GTPBP1: variants seen among roughly 807,000 people sequenced by gnomAD.
GTPBP1 encodes the protein GTP binding protein 1.
In GTPBP1, 23 loss-of-function variants were observed where a neutral mutation model predicts 62.0. The ratio of observed to expected loss-of-function variants is 0.37; its 90% CI spans 0.27 to 0.53. The LOEUF (loss-of-function observed/expected upper bound fraction) is 0.53. Among genes scored for constraint, GTPBP1 ranks in the 20% least tolerant of loss-of-function variants. The pLI is 0.89. For missense variants in GTPBP1, 640 were observed against 917.3 expected (o/e 0.70, Z 3.90); for synonymous variants, 344 against 364.4 (o/e 0.94, Z 0.64).
chr22:38,738,385 C>T, downstream of GTPBP1: 1 of 1,097,216 alleles, frequency 9.1e-7, no homozygotes, highest in Non-Finnish European at 1.3e-6. The surrounding 1 kb of genome is among the most constrained non-coding windows in gnomAD (Gnocchi z 6.6). Flanking sequence ...TGACAAGTCA[C>T]TTCACTCTCT....
At chr22:38,724,936 A>T (rs944184118) in intron 6 of GTPBP1, among the ~76,000 whole-genome samples, 1 of 152,166 alleles carries the variant, frequency 6.6e-6, no homozygotes, top group Non-Finnish European at 1.5e-5. Flanking sequence ...GAGACTCTTC[A>T]TCTAGATGTT....
At chr22:38,706,287 T>G (rs1037346853) in intron 1 of GTPBP1, 140 bp downstream of exon 1, 1 of 486,466 alleles carries the variant, frequency 2.1e-6, no homozygotes, top group African/African-American at 2.0e-5. Context: ...GCCCACCTGC[T>G]AGTCTCCGGG....
chr22:38,738,910 A>C, downstream of GTPBP1: 1 of 1,611,758 alleles, frequency 6.2e-7, no homozygotes, highest in Admixed American at 1.7e-5. This position sits in a 1 kb window ranked among gnomAD's most constrained non-coding sequence, Gnocchi z 6.6. Context: ...GTGGTACCAC[A>C]GGGGGATGCC....
intron 5 of GTPBP1, among the ~76,000 whole-genome samples, chr22:38,724,018 A>G (rs914408096): frequency 6.6e-6 from 1 of 152,182 alleles, no homozygotes; most frequent in African/African-American, 2.4e-5. Context: ...CTCAAGTCAC[A>G]TGCTTACAGG....
At position 38,716,369 on chromosome 22, in the gene GTPBP1, C is replaced by A. The variant is rs1434677743; in HGVS notation, c.485+282C>A. ...GGAAACCAGGGTCATGGAGAAGAGC[C>A]TTTTGTGCCTCTGGTAGCCTTGCGG... On this transcript the variant is annotated intron_variant, in intron 3 of 11. Transcript: ENST00000216044. This position sits in a 1 kb window ranked among gnomAD's most constrained non-coding sequence, Gnocchi z 5.2. 2 of 586,510 alleles carry A rather than the reference C, an allele frequency of 3.4e-6. No homozygotes were observed. Among genetic ancestry groups the A allele is most frequent in the Non-Finnish European group, 6.0e-6 (2 of 330,750 alleles). The allele number at this position is 586,510 out of a possible 1,614,324, so 36.3% of individuals were successfully genotyped here.
chr22:38,740,722 A>G, downstream of GTPBP1: 1 of 585,316 alleles, frequency 1.7e-6, no homozygotes, highest in East Asian at 2.8e-5. The surrounding 1 kb of genome is among the most constrained non-coding windows in gnomAD (Gnocchi z 4.8). Context: ...GGGCATGAGA[A>G]GGCAGTTATG....
intron 4 of GTPBP1, among the ~76,000 whole-genome samples, chr22:38,721,130 A>G (rs1313539402): frequency 6.6e-6 from 1 of 152,166 alleles, no homozygotes; most frequent in African/African-American, 2.4e-5. Flanking sequence ...CCCAGGCTGG[A>G]GTGCAATGGC....
intron 2 of GTPBP1, among the ~76,000 whole-genome samples, chr22:38,711,228 T>C (rs1044680489): frequency 5.3e-5 from 8 of 152,214 alleles, no homozygotes; most frequent in African/African-American, 2.4e-5. Context: ...AAATTTTGTA[T>C]AGATAAATAA....
downstream of GTPBP1, chr22:38,734,294 C>A (rs1278598595): frequency 2.1e-6 from 1 of 467,488 alleles, no homozygotes; most frequent in South Asian, 1.6e-5. Context: ...GCTGGCTGTT[C>A]AAGGGACCTA....
chr22:38,708,094 G>A (rs1196947383), intron 1 of GTPBP1, among the ~76,000 whole-genome samples: 1 of 152,216 alleles, frequency 6.6e-6, no homozygotes, highest in Non-Finnish European at 1.5e-5. Context: ...GCTCTTTACA[G>A]TGGCCTTAGG....
chr22:38,740,028 A>G, downstream of GTPBP1: 1 of 1,475,910 alleles, frequency 6.8e-7, no homozygotes, highest in Non-Finnish European at 9.2e-7. This position sits in a 1 kb window ranked among gnomAD's most constrained non-coding sequence, Gnocchi z 4.8. Flanking sequence ...TTAGCTGGAT[A>G]GCAGGGATAG....
intron 1 of GTPBP1, among the ~76,000 whole-genome samples, chr22:38,708,033 G>C (rs1216152514): frequency 6.6e-6 from 1 of 152,224 alleles, no homozygotes; most frequent in Non-Finnish European, 1.5e-5. Flanking sequence ...AAACCTTGTA[G>C]TTTCACATTT....
chr22:38,736,364 G>C (rs150292176), downstream of GTPBP1: 8 of 1,613,542 alleles, frequency 5.0e-6, no homozygotes, highest in African/African-American at 1.1e-4. Context: ...CACCTGGTAC[G>C]TGGCCATCGT....
intron 2 of GTPBP1, among the ~76,000 whole-genome samples, chr22:38,711,930 G>C (rs1028414642): frequency 3.9e-5 from 6 of 152,064 alleles, no homozygotes; most frequent in Non-Finnish European, 8.8e-5. Context: ...ATCCAGGCTG[G>C]AGTGCAGTGG....
downstream of GTPBP1, chr22:38,740,813 C>T (rs2092850377): frequency 3.2e-6 from 2 of 631,182 alleles, no homozygotes; most frequent in Non-Finnish European, 5.5e-6. This position sits in a 1 kb window ranked among gnomAD's most constrained non-coding sequence, Gnocchi z 4.8. Context: ...TCAGGACCCC[C>T]CTGCTAACCT....
intron 1 of GTPBP1, among the ~76,000 whole-genome samples, chr22:38,707,752 A>G (rs2092613665): frequency 6.6e-6 from 1 of 152,264 alleles, no homozygotes; most frequent in Non-Finnish European, 1.5e-5. Context: ...TTCATCACAT[A>G]GCTGGGGAAG....
In GTPBP1 at chr22:38,731,010, TTGTGTGTGTGTGTGTGTGTGTG is replaced by T. The variant is rs397836314; in HGVS notation, c.*325_*346del. The T allele has an allele frequency of 5.5e-6, 1 of 181,956 alleles. No homozygotes were observed. Among genetic ancestry groups the T allele is most frequent in the Non-Finnish European group, 1.1e-5 (1 of 91,004 alleles). The allele number at this position is 181,956 out of a possible 1,614,324, so 11.3% of individuals were successfully genotyped here. On this transcript the variant is annotated 3_prime_UTR_variant, in exon 12 of 12. Coordinates refer to ENST00000216044, the MANE Select transcript of GTPBP1 (RefSeq NM_004286.5). The stretch of plus-strand genomic sequence containing the variant: ...TATTATATGTCTCTGTCTCTCTCTA[TTGTGTGTGTGTGTGTGTGTGTG>T]TGTGTGTGTGTGTGTGTGGTGCAGG...
chr22:38,737,910 C>A (rs1321710613), downstream of GTPBP1: 1 of 658,994 alleles, frequency 1.5e-6, no homozygotes, highest in Non-Finnish European at 2.9e-6. This position sits in a 1 kb window ranked among gnomAD's most constrained non-coding sequence, Gnocchi z 4.1. Flanking sequence ...GGCCACCCAA[C>A]CCCTCTTGTG....
downstream of GTPBP1, chr22:38,739,347 G>A: frequency 6.2e-7 from 1 of 1,613,038 alleles, no homozygotes; most frequent in Non-Finnish European, 8.5e-7. The surrounding 1 kb of genome is among the most constrained non-coding windows in gnomAD (Gnocchi z 6.7). Context: ...CGTACCTCCT[G>A]ACTCCAGGGC....
Sources: allele counts gnomAD v4.1 joint callset (sites outside exome capture counted in the v4.1 genomes callset), GRCh38; gene constraint gnomAD v4.1.1; non-coding constraint Gnocchi (gnomAD v3.1); transcripts MANE v1.5; gene names NCBI Gene and HGNC (gene_info 2026-07-23, HGNC 2026-07-21).